The following PDE1C variants were observed in gnomAD, a reference collection of about 807,000 sequenced individuals.
PDE1C encodes dual specificity calcium/calmodulin-dependent 3',5'-cyclic nucleotide phosphodiesterase 1C.
In PDE1C, 62 loss-of-function variants were observed where a neutral mutation model predicts 93.1. The ratio of observed to expected loss-of-function variants is 0.67; its 90% CI spans 0.54 to 0.82. The LOEUF is 0.82. PDE1C is among the 40% of genes least tolerant of loss of function. The pLI, the probability that PDE1C is intolerant of heterozygous loss-of-function variation, is 0.00. For missense variants in PDE1C, 742 were observed against 884.6 expected (o/e 0.84, Z 2.04); for synonymous variants, 325 against 310.1 (o/e 1.05, Z -0.50).
chr7:32,404,968 A>C (rs896054753), intron 1 of PDE1C, among the ~76,000 whole-genome samples: 8 of 152,126 alleles, frequency 5.3e-5, no homozygotes, highest in African/African-American at 1.9e-4. Context: ...GATTCCTTAC[A>C]GGTTTATAAT....
chr7:32,185,752 T>C (rs1487708882), intron 2 of PDE1C, among the ~76,000 whole-genome samples: 1 of 152,202 alleles, frequency 6.6e-6, no homozygotes, highest in Admixed American at 6.5e-5. Context: ...ATTAGTCACA[T>C]GCGGCAATTT....
chr7:31,779,692 C>T (rs1783256029), intron 16 of PDE1C, among the ~76,000 whole-genome samples: 1 of 152,044 alleles, frequency 6.6e-6, no homozygotes. Flanking sequence ...TTTGATTTTG[C>T]CACGGGCCAT....
At chr7:32,195,318 C>A (rs888246171) in intron 2 of PDE1C, among the ~76,000 whole-genome samples, 1 of 152,176 alleles carries the variant, frequency 6.6e-6, no homozygotes, top group Admixed American at 6.5e-5. Flanking sequence ...GGCCTGCTGG[C>A]AACAAATTCT....
At chr7:31,807,601 G>T (rs1321942477) in intron 16 of PDE1C, among the ~76,000 whole-genome samples, 1 of 151,904 alleles carries the variant, frequency 6.6e-6, no homozygotes, top group East Asian at 1.9e-4. Context: ...TTTGGGACTT[G>T]ATTTATTCTG....
intron 1 of PDE1C, among the ~76,000 whole-genome samples, chr7:32,286,383 G>A (rs17161142): frequency 0.064 from 9,671 of 152,226 alleles, 696 homozygotes; most frequent in South Asian, 0.18. Flanking sequence ...TTCCTCATCC[G>A]AAAATGAGAA....
chr7:31,827,796 T>TA (rs1789881721), intron 12 of PDE1C, among the ~76,000 whole-genome samples: 1 of 152,006 alleles, frequency 6.6e-6, no homozygotes, highest in African/African-American at 2.4e-5. Flanking sequence ...ATTCTTACCT[T>TA]AAAAAAGTGC....
At chr7:32,095,632 C>T (rs971215169) in intron 3 of PDE1C, among the ~76,000 whole-genome samples, 4 of 152,188 alleles carry the variant, frequency 2.6e-5, no homozygotes, top group African/African-American at 9.7e-5. Context: ...TGTGGCTTTT[C>T]TTCATCCTTT....
At chr7:31,896,302 ACAGAAAAT>A (rs1799320104) in intron 2 of PDE1C, among the ~76,000 whole-genome samples, 1 of 152,138 alleles carries the variant, frequency 6.6e-6, no homozygotes, top group Non-Finnish European at 1.5e-5. Flanking sequence ...CAGGACCTGT[ACAGAAAAT>A]GCACAGTAGT....
the PDE1C span, among the ~76,000 whole-genome samples, chr7:31,733,754 G>A: frequency 6.6e-6 from 1 of 152,172 alleles, no homozygotes; most frequent in African/African-American, 2.4e-5. Flanking sequence ...CAGCACTCTG[G>A]GAGGCTGAGG....
intron 2 of PDE1C, among the ~76,000 whole-genome samples, chr7:32,183,782 A>G (rs1248752357): frequency 2.0e-5 from 3 of 152,212 alleles, no homozygotes; most frequent in Admixed American, 2.0e-4. Context: ...AAGGGCAACA[A>G]AAGACAAAAT....
chr7:32,066,055 G>A (rs149452247), intron 1 of PDE1C, among the ~76,000 whole-genome samples: 299 of 152,306 alleles, frequency 2.0e-3, no homozygotes, highest in African/African-American at 6.7e-3. Flanking sequence ...TCTCTATGAG[G>A]TGGGAAATGG....
At chr7:32,219,119 A>C (rs1806646087) in intron 1 of PDE1C, among the ~76,000 whole-genome samples, 1 of 152,224 alleles carries the variant, frequency 6.6e-6, no homozygotes, top group African/African-American at 2.4e-5. Flanking sequence ...TTGAGATCTC[A>C]TTGTGGAAAC....
intron 3 of PDE1C, among the ~76,000 whole-genome samples, chr7:32,082,146 G>C (rs1796705000): frequency 6.6e-6 from 1 of 152,270 alleles, no homozygotes; most frequent in Non-Finnish European, 1.5e-5. Context: ...GGAAAATCGG[G>C]TCACTCCCAC....
At chr7:32,312,594 A>G (rs1783071665) in intron 1 of PDE1C, among the ~76,000 whole-genome samples, 1 of 151,904 alleles carries the variant, frequency 6.6e-6, no homozygotes, top group Non-Finnish European at 1.5e-5. Context: ...CCCTCAAAAA[A>G]TGATGCATAT....
At chr7:32,278,674 T>C (rs948084706) in intron 1 of PDE1C, among the ~76,000 whole-genome samples, 1 of 152,200 alleles carries the variant, frequency 6.6e-6, no homozygotes, top group Non-Finnish European at 1.5e-5. Context: ...GGCGATGCTG[T>C]CTCAATGCCT....
chr7:32,133,185 G>A (rs753652455), intron 3 of PDE1C, among the ~76,000 whole-genome samples: 4 of 152,148 alleles, frequency 2.6e-5, no homozygotes, highest in African/African-American at 7.2e-5. Flanking sequence ...TATATACAGC[G>A]TTTAAAGACA....
At chr7:31,899,465 A>G (rs2128916954) in intron 2 of PDE1C, among the ~76,000 whole-genome samples, 1 of 152,228 alleles carries the variant, frequency 6.6e-6, no homozygotes, top group South Asian at 2.1e-4. Flanking sequence ...TCTACAACTC[A>G]GTCTTGCCTA....
Position 31,754,656 on chromosome 7 carries a change from A to G in PDE1C, c.1961-1103T>C, listed in dbSNP as rs142468583. ...TCAGTCTGTAAAGGCTGTATAGCAT[A>G]TGATTCCACTTATACGACATTCTTC... On this transcript the variant is annotated intron_variant, in intron 17 of 17. Coordinates refer to ENST00000396191, the MANE Select transcript of PDE1C (RefSeq NM_001191057.4). Among the ~76,000 whole-genome samples the G allele has an allele frequency of 8.4e-4, 128 of 152,366 alleles. 1 individual carries two copies. The Middle Eastern group carries it at 0.01, about 12-fold the overall frequency.
chr7:31,695,068 C>T, the PDE1C span, among the ~76,000 whole-genome samples: 1 of 152,128 alleles, frequency 6.6e-6, no homozygotes, highest in Non-Finnish European at 1.5e-5. Context: ...GATTTAGGTT[C>T]CATACTGGCC....
Sources: allele counts gnomAD v4.1 joint callset (sites outside exome capture counted in the v4.1 genomes callset), GRCh38; gene constraint gnomAD v4.1.1; transcripts MANE v1.5; gene names NCBI Gene and HGNC (gene_info 2026-07-23, HGNC 2026-07-21).